The following PCM1 variants were observed in gnomAD, a reference collection of about 807,000 sequenced individuals.
PCM1 encodes pericentriolar material 1.
PCM1 carries 157 observed loss-of-function variants against 241.9 expected under a neutral mutation model. The ratio of observed to expected loss-of-function variants is 0.65; its 90% confidence interval spans 0.57 to 0.74. The LOEUF is 0.74. Ranked by LOEUF, PCM1 falls within the 30% of genes least tolerant of loss-of-function variation. The probability of loss-of-function intolerance (pLI) is 0.00; values close to 1 mark genes in which losing one functional copy is unlikely to be tolerated. For synonymous variants in PCM1, 1,085 were observed against 784.9 expected (o/e 1.38, Z -6.39); for missense variants, 3,478 against 2,360.1 (o/e 1.47, Z -9.81).
rs374214677 is a variant in PCM1, at chr8:17,952,538, G to T, written c.1072-432G>T. ...CCAACCATGGATCAGGAATATTTTG[G>T]GGGGAGAAATAACACAACAATTTTT... On this transcript the variant is annotated intron_variant, in intron 8 of 38. Coordinates refer to ENST00000325083, the MANE Select transcript of PCM1 (RefSeq NM_006197.4). Among the ~76,000 whole-genome samples, 49 of 152,166 alleles carry T rather than the reference G, an allele frequency of 3.2e-4. 1 individual carries two copies. The South Asian group carries it at 7.3e-3, about 23-fold the overall frequency.
chr8:18,021,535 G>A (rs2093754520), intron 36 of PCM1, among the ~76,000 whole-genome samples: 1 of 152,120 alleles, frequency 6.6e-6, no homozygotes, highest in South Asian at 2.1e-4. Flanking sequence ...AAAATTCTTA[G>A]GAAATGTATT....
At chr8:17,943,676 C>T (rs527739891) in intron 6 of PCM1, among the ~76,000 whole-genome samples, 3 of 151,930 alleles carry the variant, frequency 2.0e-5, no homozygotes, top group Non-Finnish European at 2.9e-5. Flanking sequence ...AAGGCTGTCT[C>T]GTTGTTCTGT....
intron 23 of PCM1, among the ~76,000 whole-genome samples, chr8:17,973,107 A>G (rs564341434): frequency 6.6e-6 from 1 of 152,336 alleles, no homozygotes; most frequent in African/African-American, 2.4e-5. Context: ...TTTGAATATC[A>G]TATGATAAAA....
At chr8:17,957,967 G>C (rs1482385736) in intron 13 of PCM1, among the ~76,000 whole-genome samples, 192 bp downstream of exon 13, 1 of 152,150 alleles carries the variant, frequency 6.6e-6, no homozygotes, top group Non-Finnish European at 1.5e-5. Flanking sequence ...GAGTGAGTTG[G>C]TTAGATAGTT....
intron 29 of PCM1, among the ~76,000 whole-genome samples, chr8:17,998,188 G>C (rs2087697869): frequency 6.6e-6 from 1 of 152,094 alleles, no homozygotes; most frequent in African/African-American, 2.4e-5. Flanking sequence ...CCTTTGTTGA[G>C]GTCATGATTT....
intron 29 of PCM1, among the ~76,000 whole-genome samples, chr8:18,001,398 C>G (rs1236990655): frequency 2.0e-5 from 3 of 151,950 alleles, no homozygotes; most frequent in Non-Finnish European, 2.9e-5. Context: ...ATTTTTAAAG[C>G]TTTTTAGACA....
chr8:17,956,453 T>G, intron 10 of PCM1, 151 bp from the exon 11 acceptor site: 1 of 576,358 alleles, frequency 1.7e-6, no homozygotes, highest in South Asian at 2.3e-5. Context: ...AACCTCATTA[T>G]TTTACAGTCA....
chr8:18,009,803 A>G, intron 31 of PCM1, 59 bp downstream of exon 31: 1 of 1,052,264 alleles, frequency 9.5e-7, no homozygotes, highest in Non-Finnish European at 1.3e-6. Context: ...GTTCTTGATC[A>G]TTATTATTAA....
chr8:17,942,842 G>A (rs2062576359), intron 6 of PCM1, among the ~76,000 whole-genome samples: 1 of 151,710 alleles, frequency 6.6e-6, no homozygotes, highest in Admixed American at 6.6e-5. Flanking sequence ...AAAAATACAC[G>A]AAAAATTAGC....
In PCM1 at chr8:17,966,369, C is replaced by T; in HGVS notation, c.3117C>T (p.Tyr1039=). 1.9e-6 allele frequency: 3 copies of T among 1,613,722 alleles called. No homozygotes were observed. Among genetic ancestry groups the T allele is most frequent in the Non-Finnish European group, 2.5e-6 (3 of 1,179,672 alleles). Residue 1039 remains tyrosine, a synonymous_variant, in exon 20 of 39, where the codon TAC becomes TAT. Transcript: ENST00000325083. ...TACAAACTCTTCTCACGGGTCCTTA[C>T]AGTGTTATGCCCAGCAATGTTGCAT... The part of the protein sequence containing the change: ...CLLQTLLTGP[Y]SVMPSNVASP...
chr8:18,022,703 C>T (rs1263826883), intron 36 of PCM1, among the ~76,000 whole-genome samples: 1 of 152,180 alleles, frequency 6.6e-6, no homozygotes, highest in Non-Finnish European at 1.5e-5. Context: ...TCCAGTCTCC[C>T]TATATGCAGT....
At chr8:18,003,561 A>G (rs1053856733) in intron 29 of PCM1, among the ~76,000 whole-genome samples, 8 of 152,146 alleles carry the variant, frequency 5.3e-5, no homozygotes, top group African/African-American at 1.9e-4. Context: ...TGTTCCTGAG[A>G]TACTGGATTC....
At chr8:17,955,288 T>C (rs208755) in intron 9 of PCM1, among the ~76,000 whole-genome samples, 182 bp from the exon 10 acceptor site, 11,554 of 152,248 alleles carry the variant, frequency 0.076, 652 homozygotes, top group African/African-American at 0.15. Context: ...TAAACAAGTC[T>C]TTGTACATTT....
At chr8:18,018,516 T>G (rs1035100897) in intron 36 of PCM1, among the ~76,000 whole-genome samples, 3 of 152,206 alleles carry the variant, frequency 2.0e-5, no homozygotes, top group Non-Finnish European at 4.4e-5. Context: ...CTTGTCTCTA[T>G]AATACTATAA....
chr8:17,968,584 T>C (rs2075750373), intron 21 of PCM1, among the ~76,000 whole-genome samples: 1 of 151,864 alleles, frequency 6.6e-6, no homozygotes, highest in Admixed American at 6.6e-5. Context: ...TTAAAGGTGT[T>C]GGCAGGGAAT....
intron 29 of PCM1, among the ~76,000 whole-genome samples, chr8:17,997,306 C>A (rs1298350538): frequency 6.6e-6 from 1 of 152,114 alleles, no homozygotes; most frequent in African/African-American, 2.4e-5. Flanking sequence ...TCTCTTGCTG[C>A]TTTTAGGGTC....
chr8:17,964,796 T>G, intron 18 of PCM1, 28 bp downstream of exon 18: 7 of 1,564,622 alleles, frequency 4.5e-6, no homozygotes, highest in Non-Finnish European at 6.2e-6. Flanking sequence ...AATTTTGTGC[T>G]TAATTTAAGA....
In PCM1 at chr8:17,937,127, T is replaced by C. The variant is rs780219282; in HGVS notation, c.97-7T>C. The C allele has an allele frequency of 3.9e-6, 6 of 1,541,532 alleles. No individual in the cohort carries two copies. In the East Asian group the frequency reaches 1.2e-4, roughly 31 times the overall value. ...CCATGTTAATTTTTGCTTTTACTTT[T>C]TTAAAGGATTGGGGTGCCCAACAGA... On this transcript the variant is annotated splice_polypyrimidine_tract_variant and splice_region_variant and intron_variant, in intron 3 of 38. Transcript: ENST00000325083.
At chr8:17,962,241 G>A (rs1487304917) in intron 16 of PCM1, 67 bp downstream of exon 16, 1 of 1,378,468 alleles carries the variant, frequency 7.3e-7, no homozygotes, top group Non-Finnish European at 9.9e-7. Context: ...TCTTCAATAA[G>A]GCACATCTCA....
Sources: allele counts gnomAD v4.1 joint callset (sites outside exome capture counted in the v4.1 genomes callset), GRCh38; gene constraint gnomAD v4.1.1; transcripts MANE v1.5; gene names NCBI Gene and HGNC (gene_info 2026-07-23, HGNC 2026-07-21).